The following PLXNA4 variants were observed in gnomAD, a reference collection of about 807,000 sequenced individuals.
The protein encoded by PLXNA4 is plexin-A4.
In PLXNA4, 44 loss-of-function variants were observed where a neutral mutation model predicts 191.8. The ratio of observed to expected loss-of-function variants is 0.23; its 90% confidence interval spans 0.18 to 0.29. The LOEUF is 0.29. Among genes scored for constraint, PLXNA4 ranks in the 10% least tolerant of loss-of-function variants. PLXNA4 has a pLI of 1.00. For missense variants in PLXNA4, 1,800 were observed against 2,488.8 expected, an observed-to-expected ratio of 0.72 and a Z score of 5.89; for synonymous variants, 1,082 against 1,009.5, an observed-to-expected ratio of 1.07 and a Z score of -1.36.
At chr7:132,421,801 G>A (rs1239733502) in intron 3 of PLXNA4, among the ~76,000 whole-genome samples, 2 of 152,078 alleles carry the variant, frequency 1.3e-5, no homozygotes, top group Non-Finnish European at 2.9e-5. Context: ...ATCCCCAAGA[G>A]CATCCCAGAA....
intron 1 of PLXNA4, among the ~76,000 whole-genome samples, chr7:132,542,458 GTTTGT>G (rs1419526508): frequency 4.6e-5 from 7 of 152,202 alleles, no homozygotes; most frequent in Non-Finnish European, 1.0e-4. Context: ...AATTTTCTAT[GTTTGT>G]ACTGTGACAG....
At chr7:132,464,108 A>G (rs941883843) in intron 3 of PLXNA4, among the ~76,000 whole-genome samples, 12 of 152,236 alleles carry the variant, frequency 7.9e-5, no homozygotes, top group Non-Finnish European at 1.8e-4. Flanking sequence ...ATACCAATTA[A>G]CATTTCTCCC....
At chr7:132,176,918 ATGAG>A (rs544963871) in intron 20 of PLXNA4, among the ~76,000 whole-genome samples, 2,563 of 152,084 alleles carry the variant, frequency 0.017, 67 homozygotes, top group African/African-American at 0.058. Flanking sequence ...ATGTGAGTGC[ATGAG>A]TATGTGGGCA....
chr7:132,274,602 C>A (rs565045459), intron 4 of PLXNA4, among the ~76,000 whole-genome samples: 1 of 152,134 alleles, frequency 6.6e-6, no homozygotes, highest in African/African-American at 2.4e-5. Context: ...GTCCTCAATC[C>A]TTCATTGTCT....
chr7:132,499,920 G>A (rs371845613), intron 2 of PLXNA4, among the ~76,000 whole-genome samples: 14 of 152,240 alleles, frequency 9.2e-5, no homozygotes, highest in African/African-American at 2.4e-4. Flanking sequence ...CACTGACCCC[G>A]TTTCCTGCCC....
chr7:132,502,175 C>T (rs530748916), intron 2 of PLXNA4, among the ~76,000 whole-genome samples: 3 of 152,328 alleles, frequency 2.0e-5, no homozygotes, highest in Admixed American at 1.3e-4. Flanking sequence ...TCTCAGGCGC[C>T]AGACCAACCT....
At chr7:132,222,115 A>T (rs1187371155) in intron 9 of PLXNA4, among the ~76,000 whole-genome samples, 1 of 152,190 alleles carries the variant, frequency 6.6e-6, no homozygotes, top group Non-Finnish European at 1.5e-5. Context: ...AATCAGGATC[A>T]TCCTCTCTCC....
chr7:132,240,537 C>G (rs1398904757), intron 5 of PLXNA4, among the ~76,000 whole-genome samples: 1 of 152,186 alleles, frequency 6.6e-6, no homozygotes, highest in African/African-American at 2.4e-5. Flanking sequence ...TGGGAGGGTC[C>G]TCAGGTGCTA....
At chr7:132,465,124 C>T (rs1368032791) in intron 3 of PLXNA4, among the ~76,000 whole-genome samples, 1 of 152,216 alleles carries the variant, frequency 6.6e-6, no homozygotes, top group Non-Finnish European at 1.5e-5. Context: ...ACTCCCCAGA[C>T]CTCACCCCAA....
At chr7:132,377,279 C>A (rs1490920691) in intron 3 of PLXNA4, among the ~76,000 whole-genome samples, 1 of 152,140 alleles carries the variant, frequency 6.6e-6, no homozygotes, top group African/African-American at 2.4e-5. Flanking sequence ...TAAATGATTT[C>A]AATCCTAAAG....
At chr7:132,138,843 T>C (rs1187958927) in intron 30 of PLXNA4, among the ~76,000 whole-genome samples, 9 of 152,228 alleles carry the variant, frequency 5.9e-5, no homozygotes, top group Non-Finnish European at 1.5e-5. Flanking sequence ...ATGCAGCCTG[T>C]TCCTGGGAAG....
At chr7:132,382,429 G>A (rs1435525224) in intron 3 of PLXNA4, among the ~76,000 whole-genome samples, 2 of 152,100 alleles carry the variant, frequency 1.3e-5, no homozygotes, top group African/African-American at 4.8e-5. Context: ...TTTCTGCCAT[G>A]GTAAAATGAG....
chr7:132,545,777 A>G (rs533040320), intron 1 of PLXNA4, among the ~76,000 whole-genome samples: 1 of 152,340 alleles, frequency 6.6e-6, no homozygotes, highest in East Asian at 1.9e-4. Flanking sequence ...AGGCTAAGAA[A>G]AACCAGTGTT....
At chr7:132,577,529 G>A (rs943283534), upstream of PLXNA4, among the ~76,000 whole-genome samples, 3 of 151,790 alleles carry the variant, frequency 2.0e-5, no homozygotes, top group African/African-American at 7.3e-5. Flanking sequence ...GCGGCCGGCA[G>A]AGGGGGCAGG....
In PLXNA4 at chr7:132,531,875, G is replaced by A. The variant is rs141776553; in HGVS notation, c.-86-23096C>T. Among the ~76,000 whole-genome samples, 602 of 152,262 alleles carry A rather than the reference G, an allele frequency of 4.0e-3. 2 individuals carry two copies. Among genetic ancestry groups the A allele is most frequent in the Non-Finnish European group, 5.5e-3 (371 of 68,030 alleles). On this transcript the variant is annotated intron_variant, in intron 1 of 31. Transcript: ENST00000321063. ...ATTTGCATTCTTAACAAGTTTCCAG[G>A]TAACACTCATAGCCCAGGGAGGACA...
chr7:132,611,737 A>T (rs2116854619), intron 2 of PLXNA4, among the ~76,000 whole-genome samples: 1 of 152,374 alleles, frequency 6.6e-6, no homozygotes, highest in South Asian at 2.1e-4. Flanking sequence ...AGATACCTGT[A>T]GTGAGAGAGA....
At chr7:132,387,919 G>A (rs1483532078) in intron 3 of PLXNA4, among the ~76,000 whole-genome samples, 4 of 152,052 alleles carry the variant, frequency 2.6e-5, no homozygotes, top group Non-Finnish European at 5.9e-5. Context: ...TCTGTCTCCA[G>A]CATAGAGCCA....
At chr7:132,237,200 A>G (rs948465712) in intron 5 of PLXNA4, among the ~76,000 whole-genome samples, 1 of 152,096 alleles carries the variant, frequency 6.6e-6, no homozygotes, top group African/African-American at 2.4e-5. Flanking sequence ...CCAGGGACCT[A>G]CTCTACTTAT....
At chr7:132,201,290 C>T (rs763742217) in intron 12 of PLXNA4, among the ~76,000 whole-genome samples, 14 of 152,278 alleles carry the variant, frequency 9.2e-5, no homozygotes, top group African/African-American at 2.6e-4. Context: ...TTCTGTCGTG[C>T]AAGCTGCCTA....
Sources: gnomAD v4.1 joint callset for allele counts (sites outside exome capture counted in the v4.1 genomes callset) on GRCh38, gnomAD v4.1.1 for gene constraint, MANE v1.5 for transcripts, NCBI Gene and HGNC (gene_info 2026-07-23, HGNC 2026-07-21) for gene names.